The following SNTG2 variants were observed in gnomAD, a reference collection of about 807,000 sequenced individuals.
The protein encoded by SNTG2 is syntrophin gamma 2, also known as gamma-2-syntrophin.
Under a neutral mutation model 70.9 loss-of-function variants are expected in SNTG2, and 74 were observed. That is an observed-to-expected ratio of 1.04 (90% CI 0.86 to 1.27). The LOEUF is 1.27. SNTG2 is among the 50% of genes most tolerant of loss of function. SNTG2 has a pLI of 0.00. For missense variants in SNTG2, 717 were observed against 690.7 expected, an observed-to-expected ratio of 1.04 and a Z score of -0.43; for synonymous variants, 278 against 273.8, an observed-to-expected ratio of 1.02 and a Z score of -0.15.
At chr2:1,264,160 T>C (rs1678601229) in intron 13 of SNTG2, among the ~76,000 whole-genome samples, 1 of 152,226 alleles carries the variant, frequency 6.6e-6, no homozygotes, top group African/African-American at 2.4e-5. Context: ...TCATACAATA[T>C]ATGTAGATAC....
At chr2:1,295,869 G>T (rs955068405) in intron 14 of SNTG2, among the ~76,000 whole-genome samples, 3 of 151,758 alleles carry the variant, frequency 2.0e-5, no homozygotes, top group Non-Finnish European at 2.9e-5. Flanking sequence ...GCAGGCAGAC[G>T]TCACCATCAA....
At chr2:1,202,474 A>G (rs1673337272) in intron 8 of SNTG2, among the ~76,000 whole-genome samples, 1 of 151,984 alleles carries the variant, frequency 6.6e-6, no homozygotes, top group African/African-American at 2.4e-5. Flanking sequence ...TGAAAAAAAA[A>G]TGATTTACCC....
At position 1,103,390 on chromosome 2, in the gene SNTG2, TA is replaced by T. The variant is rs766512282; in HGVS notation, c.325+4981del. On this transcript the variant is annotated intron_variant, in intron 4 of 16. Coordinates refer to ENST00000308624, the MANE Select transcript of SNTG2 (RefSeq NM_018968.4). Reference sequence around the variant, plus strand: ...ATGATTATAAATTTCTTTTTTTTTTTATTTTTTTTTTTAGATGGAGTCTTGC... The same window carrying T: ...ATGATTATAAATTTCTTTTTTTTTTTTTTTTTTTTTTAGATGGAGTCTTGC... The T allele has an allele frequency of 6.9e-3, 1,868 of 269,848 alleles. 2 individuals carry two copies. Among genetic ancestry groups the T allele is most frequent in the South Asian group, 0.015 (405 of 26,810 alleles). The allele number at this position is 269,848 out of a possible 1,614,324, so 16.7% of individuals were successfully genotyped here. A position where few individuals can be genotyped will look rare whatever the true frequency, so the allele number is the denominator to read the frequency against.
At chr2:1,352,878 G>C (rs1030027345) in intron 16 of SNTG2, among the ~76,000 whole-genome samples, 1 of 152,120 alleles carries the variant, frequency 6.6e-6, no homozygotes, top group South Asian at 2.1e-4. Flanking sequence ...TGACAAAGAT[G>C]GTTTGGTGAA....
At chr2:982,496 T>G (rs1026961145) in intron 1 of SNTG2, among the ~76,000 whole-genome samples, 1 of 152,184 alleles carries the variant, frequency 6.6e-6, no homozygotes, top group African/African-American at 2.4e-5. Context: ...TTTCTAGGTT[T>G]TTTGTGTTCC....
chr2:1,139,941 C>A (rs547262562), intron 6 of SNTG2, among the ~76,000 whole-genome samples: 91 of 151,834 alleles, frequency 6.0e-4, no homozygotes, highest in Admixed American at 1.2e-3. Context: ...CTGATCATAT[C>A]ATATGTTTAC....
At chr2:1,245,239 C>T (rs938448486) in intron 11 of SNTG2, among the ~76,000 whole-genome samples, 6 of 150,056 alleles carry the variant, frequency 4.0e-5, no homozygotes, top group Non-Finnish European at 8.9e-5. Context: ...GCACATTGTG[C>T]ACATGTACCC....
At chr2:1,248,379 A>G (rs940266983) in intron 12 of SNTG2, among the ~76,000 whole-genome samples, 32 of 152,224 alleles carry the variant, frequency 2.1e-4, no homozygotes, top group Non-Finnish European at 2.9e-5. Flanking sequence ...ATGATGCAGC[A>G]TTACTAACCA....
rs1671752295 is a variant in SNTG2, at chr2:1,179,969, G to T, written c.591+6786G>T. Among the ~76,000 whole-genome samples the T allele has an allele frequency of 2.9e-5, 4 of 137,898 alleles. No individual in the cohort carries two copies. In the South Asian group the frequency reaches 9.8e-4, roughly 34 times the overall value. The allele number at this position is 137,898 out of a possible 152,430, so 90.5% of individuals were successfully genotyped here. On this transcript the variant is annotated intron_variant, in intron 8 of 16. Transcript: ENST00000308624. ...CTGAGAAAAACAAGCAATGGGGAAA[G>T]GATTCCCTATTTAATAAATGGTGCT...
chr2:1,281,208 G>GT (rs1679498317), intron 14 of SNTG2, among the ~76,000 whole-genome samples: 1 of 134,444 alleles, frequency 7.4e-6, no homozygotes, highest in Non-Finnish European at 1.6e-5. Flanking sequence ...TGTGGTGTGT[G>GT]GTGTGTGTGT....
Position 1,367,571 on chromosome 2 carries a change from C to A in SNTG2, c.*97C>A. ...CAACTTTGTGTTGTTTTATGATGAG[C>A]CTATAGTTGTGATACCAATAAAACA... On this transcript the variant is annotated 3_prime_UTR_variant, in exon 17 of 17. Transcript: ENST00000308624. The A allele has an allele frequency of 7.1e-7, 1 of 1,403,824 alleles. No individual in the cohort carries two copies. Among genetic ancestry groups the A allele is most frequent in the South Asian group, 1.4e-5 (1 of 70,388 alleles). The allele number at this position is 1,403,824 out of a possible 1,614,324, so 87.0% of individuals were successfully genotyped here. A position where few individuals can be genotyped will look rare whatever the true frequency, so the allele number is the denominator to read the frequency against.
intron 14 of SNTG2, among the ~76,000 whole-genome samples, chr2:1,287,530 G>C (rs1467410069): frequency 2.0e-5 from 3 of 152,010 alleles, no homozygotes; most frequent in Non-Finnish European, 4.4e-5. Flanking sequence ...CACATTGCTT[G>C]GTGCTGCATC....
At chr2:1,228,991 G>A (rs1206267231) in intron 9 of SNTG2, among the ~76,000 whole-genome samples, 5 of 152,146 alleles carry the variant, frequency 3.3e-5, no homozygotes, top group Admixed American at 6.5e-5. Flanking sequence ...CTCCTGGTGG[G>A]CTCGTGGTCT....
At chr2:1,198,740 C>G (rs1558520596) in intron 8 of SNTG2, among the ~76,000 whole-genome samples, 1 of 151,924 alleles carries the variant, frequency 6.6e-6, no homozygotes, top group Non-Finnish European at 1.5e-5. Context: ...AAAGAATCAT[C>G]AGAGACTATT....
chr2:1,346,858 G>A (rs1251611837), intron 16 of SNTG2, among the ~76,000 whole-genome samples: 2 of 152,262 alleles, frequency 1.3e-5, no homozygotes, highest in South Asian at 2.1e-4. Flanking sequence ...GGATTCTTTA[G>A]CTGGCAGTTG....
chr2:1,058,684 C>A (rs1368187942), intron 1 of SNTG2, among the ~76,000 whole-genome samples: 2 of 152,202 alleles, frequency 1.3e-5, no homozygotes, highest in African/African-American at 4.8e-5. Context: ...GTAGCATCAT[C>A]CTTGGCTAGA....
At chr2:1,303,905 C>T (rs146814244) in intron 14 of SNTG2, among the ~76,000 whole-genome samples, 231 of 152,312 alleles carry the variant, frequency 1.5e-3, no homozygotes, top group African/African-American at 5.1e-3. Flanking sequence ...TGCCACAACT[C>T]CATCACTGTA....
intron 4 of SNTG2, among the ~76,000 whole-genome samples, chr2:1,113,440 G>A (rs1572466252): frequency 6.6e-6 from 1 of 152,144 alleles, no homozygotes; most frequent in Non-Finnish European, 1.5e-5. Context: ...TGTGTACTAA[G>A]TGAGGTTTAA....
At chr2:1,184,291 A>G (rs1377798797) in intron 8 of SNTG2, among the ~76,000 whole-genome samples, 14 of 152,226 alleles carry the variant, frequency 9.2e-5, no homozygotes, top group Non-Finnish European at 2.1e-4. Context: ...TCAACCAAAT[A>G]TGGGAACATC....
Sources: allele counts gnomAD v4.1 joint callset (sites outside exome capture counted in the v4.1 genomes callset), GRCh38; gene constraint gnomAD v4.1.1; transcripts MANE v1.5; gene names NCBI Gene and HGNC (gene_info 2026-07-23, HGNC 2026-07-21).